Variants in NELL1 observed in about 807,000 individuals in gnomAD.
NELL1 encodes the protein protein kinase C-binding protein NELL1.
In NELL1, 76 loss-of-function variants were observed where a neutral mutation model predicts 107.4. The observed-to-expected ratio is 0.71, with a 90% CI of 0.59 to 0.86. The LOEUF is 0.86. Ranked by LOEUF, NELL1 falls within the 40% of genes least tolerant of loss-of-function variation. NELL1 has a pLI of 0.00. For missense variants in NELL1, 1,024 were observed against 1,005.5 expected, an observed-to-expected ratio of 1.02 and a Z score of -0.25; for synonymous variants, 353 against 341.2, an observed-to-expected ratio of 1.03 and a Z score of -0.38.
chr11:21,522,834 CTTTTT>C (rs66707466), intron 15 of NELL1, among the ~76,000 whole-genome samples: 17 of 68,432 alleles, frequency 2.5e-4, no homozygotes, highest in Non-Finnish European at 3.3e-4. Context: ...TTTTTCTTTT[CTTTTT>C]TTTTTTTTTT....
chr11:20,700,917 A>G (rs1854764506), intron 2 of NELL1, among the ~76,000 whole-genome samples: 1 of 152,188 alleles, frequency 6.6e-6, no homozygotes. Context: ...ACTGATGGAC[A>G]TTTGGGTCAG....
At chr11:21,141,154 A>T (rs2133771796) in intron 13 of NELL1, among the ~76,000 whole-genome samples, 1 of 152,350 alleles carries the variant, frequency 6.6e-6, no homozygotes, top group South Asian at 2.1e-4. Flanking sequence ...CACATAATGT[A>T]TTTGCAGAAA....
In NELL1 at chr11:21,337,837, T is replaced by C. The variant is rs5005068; in HGVS notation, c.1550-33016T>C. Among the ~76,000 whole-genome samples, 65 of 86,646 alleles carry C rather than the reference T, an allele frequency of 7.5e-4. 3 individuals carry two copies. Among genetic ancestry groups the C allele is most frequent in the African/African-American group, 2.7e-3 (57 of 21,236 alleles). 56.8% of individuals were successfully genotyped at this position (86,646 alleles called of 152,430 possible). A position where few individuals can be genotyped will look rare whatever the true frequency, so the allele number is the denominator to read the frequency against. ...CTTTCCTTCTTTCTTTCTTTCTTTC[T>C]TTTCTTTCTTTCTTTCTTTCTTTCT... On this transcript the variant is annotated intron_variant, in intron 14 of 19. Coordinates refer to ENST00000357134, the MANE Select transcript of NELL1 (RefSeq NM_006157.5).
At chr11:21,428,612 A>G (rs1852890498) in intron 15 of NELL1, among the ~76,000 whole-genome samples, 1 of 152,152 alleles carries the variant, frequency 6.6e-6, no homozygotes, top group Non-Finnish European at 1.5e-5. Context: ...CAAGGTTTTC[A>G]TTTTTATAGC....
At chr11:21,447,736 C>T (rs1853469669) in intron 15 of NELL1, among the ~76,000 whole-genome samples, 1 of 152,128 alleles carries the variant, frequency 6.6e-6, no homozygotes, top group Non-Finnish European at 1.5e-5. Flanking sequence ...ACTTGCCTGG[C>T]TTGTATCTTA....
chr11:21,392,169 G>A (rs1851893844), intron 15 of NELL1, among the ~76,000 whole-genome samples: 1 of 151,836 alleles, frequency 6.6e-6, no homozygotes, highest in Non-Finnish European at 1.5e-5. Flanking sequence ...ACCCTCTGCT[G>A]AGACTAAATC....
chr11:20,806,609 C>T lies in NELL1; in HGVS notation c.335+22779C>T, dbSNP rs560765876. On this transcript the variant is annotated intron_variant, in intron 3 of 19. Transcript: ENST00000357134. The stretch of plus-strand genomic sequence containing the variant: ...ATTTGGGAAGCTCCTTGTTATTATC[C>T]CTTTGAGTAAACTTTCTCCCCCTAC... Among the ~76,000 whole-genome samples, 4 of 152,100 alleles carry T rather than the reference C, an allele frequency of 2.6e-5. No homozygotes were observed. In the East Asian group the frequency reaches 7.7e-4, roughly 29 times the overall value.
rs562110274 is a variant in NELL1 at position 20,688,921 on chromosome 11, T to C, written c.184+10861T>C. Among the ~76,000 whole-genome samples, 17 of 152,194 alleles carry C rather than the reference T, an allele frequency of 1.1e-4. No homozygotes were observed. The East Asian group carries it at 3.3e-3, about 29-fold the overall frequency. ...AACATCTGGTGTATTTTGACTCTTT[T>C]GAACATCCATTGTATTTTGACTCTT... On this transcript the variant is annotated intron_variant, in intron 2 of 19. Coordinates refer to ENST00000357134, the MANE Select transcript of NELL1 (RefSeq NM_006157.5).
chr11:20,823,749 T>G (rs1296459282), intron 3 of NELL1, among the ~76,000 whole-genome samples: 2 of 151,002 alleles, frequency 1.3e-5, no homozygotes, highest in East Asian at 3.9e-4. Context: ...CTGTATGCCC[T>G]CTCTCAAAAA....
At chr11:21,428,323 C>T (rs1485202759) in intron 15 of NELL1, among the ~76,000 whole-genome samples, 1 of 152,072 alleles carries the variant, frequency 6.6e-6, no homozygotes, top group Non-Finnish European at 1.5e-5. Context: ...TAAAATTAAT[C>T]AGCATTAGTA....
intron 3 of NELL1, among the ~76,000 whole-genome samples, chr11:20,787,007 C>CAAAAAAA (rs71443763): frequency 0.019 from 1,155 of 60,830 alleles, 184 homozygotes; most frequent in African/African-American, 0.09. Context: ...GACTCCGTCT[C>CAAAAAAA]AAAAAAAAAA....
intron 2 of NELL1, among the ~76,000 whole-genome samples, chr11:20,742,503 G>A (rs1855913288): frequency 6.6e-6 from 1 of 152,102 alleles, no homozygotes; most frequent in Non-Finnish European, 1.5e-5. Flanking sequence ...CTGAGACTGG[G>A]TAATTTATAA....
intron 11 of NELL1, among the ~76,000 whole-genome samples, chr11:20,949,336 G>A (rs992945416): frequency 3.3e-5 from 5 of 152,110 alleles, no homozygotes; most frequent in African/African-American, 1.2e-4. Flanking sequence ...ATTAGTGATA[G>A]GCTAACTATG....
At chr11:20,925,176 T>C (rs938634098) in intron 7 of NELL1, among the ~76,000 whole-genome samples, 1 of 152,188 alleles carries the variant, frequency 6.6e-6, no homozygotes, top group Non-Finnish European at 1.5e-5. Context: ...TCCAAGAGTA[T>C]CACCAAACTC....
At chr11:21,088,579 T>C (rs184313869) in intron 12 of NELL1, among the ~76,000 whole-genome samples, 105 of 152,318 alleles carry the variant, frequency 6.9e-4, no homozygotes, top group African/African-American at 2.4e-3. Context: ...ATCATTTTTT[T>C]CTTAACTTTA....
chr11:20,822,595 G>A (rs1030393500), intron 3 of NELL1, among the ~76,000 whole-genome samples: 1 of 152,148 alleles, frequency 6.6e-6, no homozygotes, highest in Non-Finnish European at 1.5e-5. Context: ...AAATTGTGGA[G>A]CTTGATTTTT....
At chr11:21,222,703 GC>G (rs1857789128) in intron 13 of NELL1, among the ~76,000 whole-genome samples, 1 of 151,830 alleles carries the variant, frequency 6.6e-6, no homozygotes, top group Admixed American at 6.6e-5. Flanking sequence ...GTTTTACTTT[GC>G]CCCAGAGGTT....
intron 12 of NELL1, among the ~76,000 whole-genome samples, chr11:21,058,380 C>T (rs1468628455): frequency 6.6e-6 from 1 of 152,092 alleles, no homozygotes; most frequent in Non-Finnish European, 1.5e-5. Context: ...ATGACATATT[C>T]CAAGCTCTAA....
At chr11:21,140,572 C>T (rs1855843490) in intron 13 of NELL1, among the ~76,000 whole-genome samples, 1 of 152,150 alleles carries the variant, frequency 6.6e-6, no homozygotes, top group South Asian at 2.1e-4. Flanking sequence ...GGTCACAGTT[C>T]TGAAAGTCTG....
Sources: allele counts gnomAD v4.1 joint callset (sites outside exome capture counted in the v4.1 genomes callset), GRCh38; gene constraint gnomAD v4.1.1; transcripts MANE v1.5; gene names NCBI Gene and HGNC (gene_info 2026-07-23, HGNC 2026-07-21).